ARHGAP31: variants seen among roughly 807,000 people sequenced by gnomAD.
The protein encoded by ARHGAP31 is Rho GTPase activating protein 31.
ARHGAP31 carries 34 observed loss-of-function variants against 113.9 expected under a neutral mutation model. The ratio of observed to expected loss-of-function variants is 0.30; its 90% CI spans 0.23 to 0.40. The LOEUF is 0.40. Ranked by LOEUF, ARHGAP31 falls within the 10% of genes least tolerant of loss-of-function variation. The pLI is 1.00. For synonymous variants in ARHGAP31, 650 were observed against 684.8 expected, an observed-to-expected ratio of 0.95 and a Z score of 0.79; for missense variants, 1,548 against 1,767.1, an observed-to-expected ratio of 0.88 and a Z score of 2.22.
At chr3:119,386,822 C>T (rs2080454107) in intron 6 of ARHGAP31, among the ~76,000 whole-genome samples, 1 of 152,216 alleles carries the variant, frequency 6.6e-6, no homozygotes, top group African/African-American at 2.4e-5. Context: ...CCTTCCCTGC[C>T]TGGCAGCTGA....
chr3:119,349,886 C>A (rs1395299670), intron 1 of ARHGAP31, among the ~76,000 whole-genome samples: 4 of 152,152 alleles, frequency 2.6e-5, no homozygotes, highest in African/African-American at 9.7e-5. Context: ...GGCTTCCCTG[C>A]TTCCATTTCC....
At chr3:119,408,965 C>A (rs1464780084) in intron 10 of ARHGAP31, among the ~76,000 whole-genome samples, 3 of 152,058 alleles carry the variant, frequency 2.0e-5, no homozygotes, top group African/African-American at 7.2e-5. Context: ...ATTTTTGTAA[C>A]CTTGGGCACC....
In ARHGAP31 at chr3:119,314,942, C is replaced by A. The variant is rs74642577; in HGVS notation, c.100+19938C>A. On this transcript the variant is annotated intron_variant, in intron 1 of 11. Coordinates refer to ENST00000264245, the MANE Select transcript of ARHGAP31 (RefSeq NM_020754.4). ...AATGCAATGAGTCCTTATAGACATC[C>A]CCCACTGCCATAGTGGAAGGAAATT... Among the ~76,000 whole-genome samples the A allele has an allele frequency of 6.5e-3, 990 of 152,286 alleles. 15 individuals carry two copies. The highest frequency in any genetic ancestry group is 0.061 in the East Asian group (318 of 5,190).
At chr3:119,381,940 C>T (rs866658594) in intron 4 of ARHGAP31, among the ~76,000 whole-genome samples, 17 of 147,524 alleles carry the variant, frequency 1.2e-4, no homozygotes, top group Non-Finnish European at 2.1e-4. Flanking sequence ...GAGCTGAGAT[C>T]GCGCCACTGC....
intron 1 of ARHGAP31, among the ~76,000 whole-genome samples, chr3:119,298,352 C>CAGCT (rs1429332655): frequency 6.6e-6 from 1 of 152,212 alleles, no homozygotes; most frequent in African/African-American, 2.4e-5. Context: ...CCCTTGCTTG[C>CAGCT]AGCTGTATAA....
intron 1 of ARHGAP31, chr3:119,329,834 C>T (rs571681462): frequency 6.7e-5 from 66 of 985,460 alleles, no homozygotes; most frequent in African/African-American, 3.7e-4. Context: ...GGAGTCTGTC[C>T]GCACTGTCCC....
chr3:119,332,813 C>T (rs2079907132), intron 1 of ARHGAP31, among the ~76,000 whole-genome samples: 2 of 152,052 alleles, frequency 1.3e-5, no homozygotes, highest in Admixed American at 1.3e-4. Flanking sequence ...GGTCTTTGTC[C>T]CTGACTTCCT....
At chr3:119,409,936 G>C (rs1227530025) in intron 11 of ARHGAP31, among the ~76,000 whole-genome samples, 160 bp downstream of exon 11, 1 of 152,214 alleles carries the variant, frequency 6.6e-6, no homozygotes, top group Non-Finnish European at 1.5e-5. Context: ...TCTGAGATTT[G>C]TTTTGCAGTG....
rs897674781 is a variant in ARHGAP31, at chr3:119,337,024, G to C, written c.101-28292G>C. 5.3e-5 allele frequency among the ~76,000 whole-genome samples: 8 copies of C among 152,224 alleles called. No individual in the cohort carries two copies. The South Asian group carries it at 1.0e-3, about 20-fold the overall frequency. On this transcript the variant is annotated intron_variant, in intron 1 of 11. Coordinates refer to ENST00000264245, the MANE Select transcript of ARHGAP31 (RefSeq NM_020754.4). ...ATTACCTAATAATATTCTATTCTATGGATATACCACAGTTTATCCATTCAT... is the reference window on the plus strand; with the variant it reads ...ATTACCTAATAATATTCTATTCTATCGATATACCACAGTTTATCCATTCAT...
intron 1 of ARHGAP31, among the ~76,000 whole-genome samples, chr3:119,362,557 C>T (rs1013684511): frequency 2.6e-5 from 4 of 152,034 alleles, no homozygotes; most frequent in African/African-American, 7.3e-5. Context: ...CACCGGAGAT[C>T]AGGAGTTCAA....
In ARHGAP31 at chr3:119,419,374, C is replaced by T. The variant is rs1213465768; in HGVS notation, c.*3110C>T. On this transcript the variant is annotated 3_prime_UTR_variant, in exon 12 of 12. Transcript: ENST00000264245. ...CACTTGGAATATGAAGAAATCTGAACAAGAACCCCATTAAGACACCTAACC... is the reference window on the plus strand; with the variant it reads ...CACTTGGAATATGAAGAAATCTGAATAAGAACCCCATTAAGACACCTAACC... The T allele has an allele frequency of 6.6e-6, 1 of 152,148 alleles. No individual in the cohort carries two copies. The highest frequency in any genetic ancestry group is 1.5e-5 in the Non-Finnish European group (1 of 68,022). 9.4% of individuals were successfully genotyped at this position (152,148 alleles called of 1,614,324 possible).
intron 1 of ARHGAP31, among the ~76,000 whole-genome samples, chr3:119,347,155 A>C (rs974754777): frequency 4.6e-5 from 7 of 152,282 alleles, no homozygotes; most frequent in African/African-American, 1.7e-4. Flanking sequence ...CACATCCTAC[A>C]TGGTGTCCAG....
intron 1 of ARHGAP31, among the ~76,000 whole-genome samples, chr3:119,306,533 G>A (rs1322847959): frequency 1.3e-5 from 2 of 152,226 alleles, no homozygotes; most frequent in African/African-American, 4.8e-5. Flanking sequence ...CTCTAGCCTG[G>A]GGGACGGTGT....
intron 1 of ARHGAP31, among the ~76,000 whole-genome samples, chr3:119,327,432 C>T (rs1296921767): frequency 6.6e-6 from 1 of 151,806 alleles, no homozygotes. Context: ...GTAATCCCAG[C>T]TACTTGGGAG....
intron 6 of ARHGAP31, among the ~76,000 whole-genome samples, chr3:119,385,858 T>C (rs1378004703): frequency 6.6e-6 from 1 of 152,264 alleles, no homozygotes; most frequent in Non-Finnish European, 1.5e-5. Flanking sequence ...AGGAAAAGAA[T>C]ATGAAAATAG....
chr3:119,313,199 C>T (rs2079698026), intron 1 of ARHGAP31, among the ~76,000 whole-genome samples: 1 of 152,142 alleles, frequency 6.6e-6, no homozygotes, highest in African/African-American at 2.4e-5. Context: ...AAAAAAATTT[C>T]CTTCCCATCC....
At chr3:119,301,093 G>A (rs190051323) in intron 1 of ARHGAP31, among the ~76,000 whole-genome samples, 45 of 152,324 alleles carry the variant, frequency 3.0e-4, no homozygotes, top group African/African-American at 1.0e-3. Flanking sequence ...AACTTACTCT[G>A]TGTAGTCTGG....
chr3:119,362,506 G>T (rs1392202712), intron 1 of ARHGAP31, among the ~76,000 whole-genome samples: 1 of 152,176 alleles, frequency 6.6e-6, no homozygotes, highest in Admixed American at 6.5e-5. Context: ...GGTGGCTCAC[G>T]CCTGTAATCC....
chr3:119,325,801 C>T (rs1036516363), intron 1 of ARHGAP31, among the ~76,000 whole-genome samples: 54 of 152,324 alleles, frequency 3.5e-4, no homozygotes, highest in African/African-American at 1.3e-3. Context: ...TTAGAATCAC[C>T]TGGGAAGTTT....
Sources: allele counts gnomAD v4.1 joint callset (sites outside exome capture counted in the v4.1 genomes callset), GRCh38; gene constraint gnomAD v4.1.1; transcripts MANE v1.5; gene names NCBI Gene and HGNC (gene_info 2026-07-23, HGNC 2026-07-21).